The following HPSE2 variants were observed in gnomAD, a reference collection of about 807,000 sequenced individuals.
The protein encoded by HPSE2 is inactive heparanase-2.
In HPSE2, 38 loss-of-function variants were observed where a neutral mutation model predicts 60.5. That is an observed-to-expected ratio of 0.63 (90% CI 0.48 to 0.82). The LOEUF (loss-of-function observed/expected upper bound fraction) is 0.82. HPSE2 is among the 40% of genes least tolerant of loss of function. The probability of loss-of-function intolerance (pLI) is 0.00; values close to 1 mark genes in which losing one functional copy is unlikely to be tolerated. For synonymous variants in HPSE2, 295 were observed against 293.2 expected (o/e 1.01, Z -0.06); for missense variants, 713 against 740.4 (o/e 0.96, Z 0.43).
At chr10:98,779,152 T>C (rs1178110549) in intron 3 of HPSE2, among the ~76,000 whole-genome samples, 1 of 152,174 alleles carries the variant, frequency 6.6e-6, no homozygotes, top group Non-Finnish European at 1.5e-5. Context: ...TCTATGTAAA[T>C]GTAGCCCATG....
intron 3 of HPSE2, among the ~76,000 whole-genome samples, chr10:98,752,000 C>A (rs2134356417): frequency 6.6e-6 from 1 of 152,282 alleles, no homozygotes; most frequent in East Asian, 1.9e-4. Context: ...AAACTCTGTT[C>A]TTTTTAAACA....
At chr10:98,511,253 C>T (rs1032939385) in intron 9 of HPSE2, among the ~76,000 whole-genome samples, 5 of 151,736 alleles carry the variant, frequency 3.3e-5, no homozygotes, top group Admixed American at 6.6e-5. Context: ...CAGATTCAAG[C>T]GATTCTCTTG....
chr10:99,050,786 T>G (rs1372901115), intron 3 of HPSE2, among the ~76,000 whole-genome samples: 1 of 152,150 alleles, frequency 6.6e-6, no homozygotes, highest in Admixed American at 6.5e-5. Context: ...ACATGAAATC[T>G]AAAACAATCG....
chr10:98,637,976 C>T (rs953300752), intron 7 of HPSE2, among the ~76,000 whole-genome samples: 4 of 151,040 alleles, frequency 2.6e-5, no homozygotes, highest in African/African-American at 9.7e-5. Context: ...CTTGTCTCTG[C>T]CAAAAATACA....
intron 2 of HPSE2, among the ~76,000 whole-genome samples, chr10:99,152,305 C>G (rs1384646850): frequency 1.4e-5 from 2 of 139,532 alleles, no homozygotes; most frequent in Admixed American, 1.4e-4. Context: ...AGCGAGACTC[C>G]ACCTCAAAAA....
intron 3 of HPSE2, among the ~76,000 whole-genome samples, chr10:98,890,131 G>C (rs1004970175): frequency 2.6e-5 from 4 of 152,072 alleles, no homozygotes; most frequent in Non-Finnish European, 4.4e-5. Flanking sequence ...TCAGGTAAAG[G>C]CCTGCCCCAC....
intron 9 of HPSE2, among the ~76,000 whole-genome samples, chr10:98,500,333 C>G (rs1941989295): frequency 1.3e-5 from 2 of 152,114 alleles, no homozygotes; most frequent in African/African-American, 2.4e-5. Context: ...CTCTCTCAGA[C>G]CACAGTGGAA....
chr10:98,942,685 G>T (rs982604980), intron 3 of HPSE2, among the ~76,000 whole-genome samples: 1 of 152,090 alleles, frequency 6.6e-6, no homozygotes, highest in Admixed American at 6.5e-5. Flanking sequence ...ATTCCTCAGG[G>T]ATCTGGAACT....
At chr10:99,120,497 G>A (rs542117025) in intron 3 of HPSE2, among the ~76,000 whole-genome samples, 1 of 148,530 alleles carries the variant, frequency 6.7e-6, no homozygotes, top group South Asian at 2.1e-4. Flanking sequence ...TTTTGAGACA[G>A]AGTTTCACTC....
At chr10:98,955,034 T>TTA (rs900816679) in intron 3 of HPSE2, among the ~76,000 whole-genome samples, 1 of 149,918 alleles carries the variant, frequency 6.7e-6, no homozygotes, top group African/African-American at 2.4e-5. Flanking sequence ...AAAGACCTAT[T>TTA]TATATATATT....
At chr10:98,817,878 A>C (rs1951328503) in intron 3 of HPSE2, among the ~76,000 whole-genome samples, 1 of 152,206 alleles carries the variant, frequency 6.6e-6, no homozygotes, top group Admixed American at 6.5e-5. Flanking sequence ...AGAATTTAAA[A>C]TTGTTATCCA....
At chr10:99,052,627 A>G (rs1290387987) in intron 3 of HPSE2, among the ~76,000 whole-genome samples, 1 of 152,126 alleles carries the variant, frequency 6.6e-6, no homozygotes, top group Admixed American at 6.6e-5. Flanking sequence ...ATAGTAAAAT[A>G]GCCAAACCAA....
chr10:99,258,447 G>C, the HPSE2 span, among the ~76,000 whole-genome samples: 1 of 151,712 alleles, frequency 6.6e-6, no homozygotes, highest in Non-Finnish European at 1.5e-5. Context: ...CTTGTTAAGA[G>C]GTCAATTCTC....
At chr10:98,876,538 C>T (rs1190795735) in intron 3 of HPSE2, among the ~76,000 whole-genome samples, 1 of 151,914 alleles carries the variant, frequency 6.6e-6, no homozygotes. Flanking sequence ...CCAATAGAAT[C>T]TTCTTGGCTA....
rs114327766 is a variant in HPSE2 at position 98,569,036 on chromosome 10, C to T, written c.1320+45868G>A. ...GTAAATTTTATGGTTTGTGTTATAT[C>T]TCAATAAAGTTGTTATTTTAAAAAG... On this transcript the variant is annotated intron_variant, in intron 9 of 11. Coordinates refer to ENST00000370552, the MANE Select transcript of HPSE2 (RefSeq NM_021828.5). Among the ~76,000 whole-genome samples, 1,317 of 150,672 alleles carry T rather than the reference C, an allele frequency of 8.7e-3. 17 individuals are homozygous for T. Among genetic ancestry groups the T allele is most frequent in the African/African-American group, 0.031 (1,260 of 41,106 alleles).
At chr10:98,534,597 G>T (rs1041997505) in intron 9 of HPSE2, among the ~76,000 whole-genome samples, 4 of 152,012 alleles carry the variant, frequency 2.6e-5, no homozygotes, top group African/African-American at 9.7e-5. Flanking sequence ...TAGAGACAGG[G>T]TTTCACCATG....
chr10:98,863,430 T>A (rs1052936424), intron 3 of HPSE2, among the ~76,000 whole-genome samples: 9 of 152,060 alleles, frequency 5.9e-5, no homozygotes, highest in African/African-American at 2.2e-4. Flanking sequence ...ATAGATATCT[T>A]GATAGATAGA....
intron 2 of HPSE2, among the ~76,000 whole-genome samples, chr10:99,178,358 T>C (rs1023144327): frequency 6.6e-6 from 1 of 151,570 alleles, no homozygotes; most frequent in African/African-American, 2.4e-5. Flanking sequence ...ATTAACAAAA[T>C]AGATAGGCCA....
chr10:98,470,187 T>C (rs564054053), intron 11 of HPSE2, among the ~76,000 whole-genome samples: 154 of 152,318 alleles, frequency 1.0e-3, no homozygotes, highest in African/African-American at 2.9e-3. Context: ...AACACACATG[T>C]TAAGGTGATA....
Sources: allele counts gnomAD v4.1 joint callset (sites outside exome capture counted in the v4.1 genomes callset), GRCh38; gene constraint gnomAD v4.1.1; transcripts MANE v1.5; gene names NCBI Gene and HGNC (gene_info 2026-07-23, HGNC 2026-07-21).